The following GPM6A variants were observed in gnomAD, a reference collection of about 807,000 sequenced individuals.
The protein encoded by GPM6A is glycoprotein M6A.
In GPM6A, 7 loss-of-function variants were observed where a neutral mutation model predicts 32.1. That is an observed-to-expected ratio of 0.22 (90% CI 0.12 to 0.41). The LOEUF (loss-of-function observed/expected upper bound fraction) is 0.41. Ranked by LOEUF, GPM6A falls within the 10% of genes least tolerant of loss-of-function variation. The pLI is 1.00. For missense variants in GPM6A, 235 were observed against 347.2 expected, an observed-to-expected ratio of 0.68 and a Z score of 2.57; for synonymous variants, 130 against 123.4, an observed-to-expected ratio of 1.05 and a Z score of -0.35.
At chr4:175,639,106 C>T (rs1740984935) in intron 6 of GPM6A, among the ~76,000 whole-genome samples, 1 of 151,992 alleles carries the variant, frequency 6.6e-6, no homozygotes, top group Non-Finnish European at 1.5e-5. Flanking sequence ...AGTAACAAAA[C>T]ATCAAAAATT....
chr4:176,002,066 C>G (rs1392403516), intron 1 of GPM6A, among the ~76,000 whole-genome samples: 1 of 152,030 alleles, frequency 6.6e-6, no homozygotes, highest in African/African-American at 2.4e-5. Context: ...CCCACCCTCC[C>G]GACCCACTGT....
chr4:175,824,117 G>A (rs1388176594), intron 1 of GPM6A, among the ~76,000 whole-genome samples: 1 of 152,156 alleles, frequency 6.6e-6, no homozygotes, highest in African/African-American at 2.4e-5. Flanking sequence ...AGAAACACCC[G>A]GAAAACATTT....
rs893320187 is a variant in GPM6A at position 175,681,484 on chromosome 4, G to A, written c.231-7648C>T. ...TTTTAAAAGATCTCTATAAATAAGG[G>A]ATATTATACTTTTGTCTGTTGATAG... On this transcript the variant is annotated intron_variant, in intron 2 of 6. Transcript: ENST00000393658. 1.2e-4 allele frequency among the ~76,000 whole-genome samples: 18 copies of A among 152,086 alleles called. 1 individual carries two copies. The highest frequency in any genetic ancestry group is 8.8e-5 in the Non-Finnish European group (6 of 68,020).
intron 1 of GPM6A, among the ~76,000 whole-genome samples, chr4:175,874,932 C>T (rs1056911094): frequency 3.3e-5 from 5 of 152,264 alleles, no homozygotes; most frequent in Admixed American, 6.5e-5. Flanking sequence ...CTGCTTAACA[C>T]GCCTCAGTTT....
chr4:175,734,156 ATATATT>A (rs1431993175), intron 1 of GPM6A, among the ~76,000 whole-genome samples: 10 of 83,872 alleles, frequency 1.2e-4, no homozygotes, highest in Admixed American at 2.4e-4. Flanking sequence ...ATATATATAT[ATATATT>A]TTTTAATTTC....
intron 1 of GPM6A, among the ~76,000 whole-genome samples, chr4:175,844,376 C>T (rs774433230): frequency 2.0e-5 from 3 of 152,150 alleles, no homozygotes; most frequent in Non-Finnish European, 2.9e-5. Context: ...ACTGAATTAT[C>T]TCAAACCTGC....
At chr4:175,662,369 G>A (rs930384716) in intron 3 of GPM6A, among the ~76,000 whole-genome samples, 8 of 152,144 alleles carry the variant, frequency 5.3e-5, no homozygotes, top group Non-Finnish European at 1.5e-5. Flanking sequence ...AGAGGCTGAG[G>A]TGGGTGGATC....
intron 1 of GPM6A, among the ~76,000 whole-genome samples, chr4:175,996,635 A>G (rs1046801304): frequency 6.6e-6 from 1 of 152,140 alleles, no homozygotes; most frequent in Non-Finnish European, 1.5e-5. Context: ...CTACCAACAC[A>G]TTTCCACCCA....
rs559978606 is a variant in GPM6A, at chr4:175,685,937, G to A, written c.231-12101C>T. Among the ~76,000 whole-genome samples, 64 of 151,244 alleles carry A rather than the reference G, an allele frequency of 4.2e-4. No individual in the cohort carries two copies. In the South Asian group the frequency reaches 0.013, roughly 30 times the overall value. ...TAAAAGTGTGTGTGTGTGTGTGTGT[G>A]TGCACGCACACACATTTGTTTTTGT... On this transcript the variant is annotated intron_variant, in intron 2 of 6. Coordinates refer to ENST00000393658, the MANE Select transcript of GPM6A (RefSeq NM_201591.3).
chr4:175,798,391 G>C (rs988033887), intron 1 of GPM6A, among the ~76,000 whole-genome samples: 6 of 152,084 alleles, frequency 3.9e-5, no homozygotes, highest in African/African-American at 1.4e-4. Context: ...AGAAAACTCT[G>C]TTTATGACAC....
At chr4:175,767,223 G>C (rs1733008208) in intron 1 of GPM6A, among the ~76,000 whole-genome samples, 1 of 152,190 alleles carries the variant, frequency 6.6e-6, no homozygotes, top group African/African-American at 2.4e-5. Context: ...AGAAGTTAGA[G>C]AGTTTATAGA....
intron 4 of GPM6A, among the ~76,000 whole-genome samples, chr4:175,646,541 T>G (rs918826731): frequency 2.3e-4 from 35 of 152,220 alleles, no homozygotes; most frequent in Non-Finnish European, 4.1e-4. Context: ...AAACTTCATT[T>G]TATATTTTTG....
chr4:175,876,984 T>C (rs1737102825), intron 1 of GPM6A, among the ~76,000 whole-genome samples: 1 of 151,880 alleles, frequency 6.6e-6, no homozygotes, highest in Non-Finnish European at 1.5e-5. Context: ...TCAAAGTCCA[T>C]GCGGTCACTT....
chr4:175,807,211 G>C (rs958776779), intron 1 of GPM6A: 1 of 152,014 alleles, frequency 6.6e-6, no homozygotes. Flanking sequence ...ATTTAGGGAC[G>C]AATTTATTTA....
intron 2 of GPM6A, among the ~76,000 whole-genome samples, chr4:175,692,301 A>G (rs1744344950): frequency 6.6e-6 from 1 of 152,118 alleles, no homozygotes; most frequent in African/African-American, 2.4e-5. Flanking sequence ...GTGTCCAGAA[A>G]GTTTGTGCCA....
chr4:175,648,078 A>G (rs908506527), intron 4 of GPM6A, among the ~76,000 whole-genome samples: 1 of 152,192 alleles, frequency 6.6e-6, no homozygotes, highest in African/African-American at 2.4e-5. Flanking sequence ...TATGCTTTAC[A>G]TAGTATAGAA....
At chr4:175,862,624 A>T (rs1445806163) in intron 1 of GPM6A, among the ~76,000 whole-genome samples, 2 of 152,204 alleles carry the variant, frequency 1.3e-5, no homozygotes, top group Non-Finnish European at 2.9e-5. Flanking sequence ...AACAATACAC[A>T]CATTGCTTTG....
intron 1 of GPM6A, among the ~76,000 whole-genome samples, chr4:175,903,729 T>A (rs1484818453): frequency 6.6e-6 from 1 of 152,172 alleles, no homozygotes; most frequent in Non-Finnish European, 1.5e-5. Context: ...TCCTATAATT[T>A]TTTTAAATCT....
At chr4:175,754,025 GCTCCAATCTATCAATTCA>G (rs1560914489) in intron 1 of GPM6A, among the ~76,000 whole-genome samples, 2 of 152,160 alleles carry the variant, frequency 1.3e-5, no homozygotes, top group East Asian at 3.9e-4. Flanking sequence ...AAAAATCTAT[GCTCCAATCTATCAATTCA>G]CTTGTTCCTA....
Sources: gnomAD v4.1 joint callset for allele counts (sites outside exome capture counted in the v4.1 genomes callset) on GRCh38, gnomAD v4.1.1 for gene constraint, MANE v1.5 for transcripts, NCBI Gene and HGNC (gene_info 2026-07-23, HGNC 2026-07-21) for gene names.